Variants in DIRAS2 observed in about 807,000 individuals in gnomAD.
The protein encoded by DIRAS2 is GTP-binding protein Di-Ras2.
Under a neutral mutation model 13.9 loss-of-function variants are expected in DIRAS2, and 5 were observed. That is an observed-to-expected ratio of 0.36 (90% CI 0.19 to 0.76). DIRAS2 has a LOEUF of 0.76. DIRAS2 is among the 30% of genes least tolerant of loss of function. The pLI is 0.53. For synonymous variants in DIRAS2, 111 were observed against 105.4 expected (o/e 1.05, Z -0.33); for missense variants, 191 against 263.0 (o/e 0.73, Z 1.89).
At chr9:90,614,194 C>G (rs1489454443) in intron 1 of DIRAS2, among the ~76,000 whole-genome samples, 1 of 152,098 alleles carries the variant, frequency 6.6e-6, no homozygotes, top group South Asian at 2.1e-4. Flanking sequence ...AAATTAACTA[C>G]CCCCGTAAAA....
intron 1 of DIRAS2, among the ~76,000 whole-genome samples, chr9:90,622,473 T>C (rs1210289187): frequency 1.3e-5 from 2 of 152,056 alleles, no homozygotes; most frequent in South Asian, 2.1e-4. Context: ...TTTTTTTTTT[T>C]TCCTCTAACT....
rs751840059 is a variant in DIRAS2 at position 90,624,496 on chromosome 9, A to G, written c.-36-10633T>C. ...GTCTCAGCTGCTCATTTCAAGATGC[A>G]TACTACCTGCAAGAATGAAGTCAGT... On this transcript the variant is annotated intron_variant, in intron 1 of 1. Transcript: ENST00000375765. Among the ~76,000 whole-genome samples the G allele has an allele frequency of 1.1e-3, 171 of 152,350 alleles. 1 individual carries two copies. Among genetic ancestry groups the G allele is most frequent in the Non-Finnish European group, 1.9e-3 (130 of 68,034 alleles).
chr9:90,638,880 G>A (rs896938063), intron 1 of DIRAS2, among the ~76,000 whole-genome samples: 6 of 152,068 alleles, frequency 3.9e-5, no homozygotes, highest in Admixed American at 3.9e-4. Flanking sequence ...AGGCACAAAA[G>A]TGCTCCAATA....
At chr9:90,631,545 C>T (rs991892400) in intron 1 of DIRAS2, among the ~76,000 whole-genome samples, 2 of 152,100 alleles carry the variant, frequency 1.3e-5, no homozygotes, top group Non-Finnish European at 2.9e-5. Context: ...TTGATACGTG[C>T]CAAGGGTGGC....
intron 1 of DIRAS2, among the ~76,000 whole-genome samples, chr9:90,619,269 G>A (rs1187861428): frequency 2.0e-5 from 3 of 151,786 alleles, no homozygotes; most frequent in African/African-American, 4.8e-5. Context: ...GTGAAACCCC[G>A]TCTCTACTGA....
At chr9:90,628,392 T>C (rs999504508) in intron 1 of DIRAS2, among the ~76,000 whole-genome samples, 39 of 152,232 alleles carry the variant, frequency 2.6e-4, no homozygotes, top group African/African-American at 9.4e-4. Context: ...ATATCAGTAC[T>C]TTACTGCCAC....
At position 90,610,708 on chromosome 9, in the gene DIRAS2, A is replaced by G. The variant is rs555926794; in HGVS notation, c.*2520T>C. On this transcript the variant is annotated 3_prime_UTR_variant, in exon 2 of 2. Coordinates refer to ENST00000375765, the MANE Select transcript of DIRAS2 (RefSeq NM_017594.5). ...TCTCCTAAAAGACGATTTTGAGATA[A>G]CCATTGATATCCTCAGTTCAGCTCA... The G allele has an allele frequency of 4.3e-5, 14 of 324,178 alleles. No individual in the cohort carries two copies. The highest frequency in any genetic ancestry group is 1.5e-4 in the Admixed American group (3 of 20,500). The allele number at this position is 324,178 out of a possible 1,614,324, so 20.1% of individuals were successfully genotyped here.
intron 1 of DIRAS2, among the ~76,000 whole-genome samples, 182 bp from the exon 2 acceptor site, chr9:90,614,045 A>G (rs952180171): frequency 2.6e-5 from 4 of 152,196 alleles, no homozygotes; most frequent in African/African-American, 9.6e-5. Flanking sequence ...CGATCTACTC[A>G]GGGGCTCACT....
At chr9:90,638,389 T>C (rs910627418) in intron 1 of DIRAS2, among the ~76,000 whole-genome samples, 4 of 152,250 alleles carry the variant, frequency 2.6e-5, no homozygotes, top group African/African-American at 9.6e-5. Context: ...CCATTTCTAT[T>C]ATCCAGTAGT....
Position 90,613,651 on chromosome 9 carries a change from G to A in DIRAS2, c.177C>T (p.Ile59=). ...ACTGGTGGCTCCCCGTCGTGTCGGT[G>A]ATCTGCAATGTGCATATGCTCTTGT... ...SCDKSICTLQ[I]TDTTGSHQFP... is the part of the protein sequence containing the mutation. The change falls in exon 2 of 2, where the codon ATC becomes ATT. Residue 59 remains isoleucine (I), a synonymous_variant. Coordinates refer to ENST00000375765, the MANE Select transcript of DIRAS2 (RefSeq NM_017594.5). The surrounding 1 kb of genome is among the most constrained non-coding windows in gnomAD (Gnocchi z 5.6). 1.2e-6 allele frequency: 2 copies of A among 1,614,148 alleles called. No homozygotes were observed. The highest frequency in any genetic ancestry group is 1.7e-6 in the Non-Finnish European group (2 of 1,180,032).
At chr9:90,641,803 G>A (rs896627680) in intron 1 of DIRAS2, among the ~76,000 whole-genome samples, 4 of 152,176 alleles carry the variant, frequency 2.6e-5, no homozygotes, top group African/African-American at 7.2e-5. Context: ...TTAGTTTGAA[G>A]CAGAAAAGTT....
At chr9:90,616,662 G>C (rs1825172149) in intron 1 of DIRAS2, among the ~76,000 whole-genome samples, 1 of 151,234 alleles carries the variant, frequency 6.6e-6, no homozygotes, top group African/African-American at 2.4e-5. Flanking sequence ...ACTTGAACCT[G>C]GGAGGTGGAG....
intron 1 of DIRAS2, among the ~76,000 whole-genome samples, chr9:90,633,202 T>C (rs1564022575): frequency 6.6e-6 from 1 of 151,918 alleles, no homozygotes; most frequent in Non-Finnish European, 1.5e-5. Context: ...GACAATTTGG[T>C]CAAAAACAAA....
intron 1 of DIRAS2, among the ~76,000 whole-genome samples, chr9:90,641,214 T>A (rs1825416026): frequency 6.6e-6 from 1 of 152,194 alleles, no homozygotes; most frequent in Admixed American, 6.5e-5. Flanking sequence ...TGGCATTCAA[T>A]CTGTATGTTT....
intron 1 of DIRAS2, among the ~76,000 whole-genome samples, chr9:90,624,833 G>A (rs1312268722): frequency 6.6e-6 from 1 of 151,930 alleles, no homozygotes; most frequent in East Asian, 1.9e-4. Flanking sequence ...TCCTGCCTCA[G>A]CCTCCCGAGT....
Position 90,611,656 on chromosome 9 carries a change from T to G in DIRAS2, c.*1572A>C, listed in dbSNP as rs1158895997. On this transcript the variant is annotated 3_prime_UTR_variant, in exon 2 of 2. Transcript: ENST00000375765. ...GGTCAAACATCCCCAACTTAAGCCC[T>G]CCCTGTGCTGACACTGCCACCCAAC... The G allele has an allele frequency of 6.6e-6, 1 of 152,248 alleles. No homozygotes were observed. The highest frequency in any genetic ancestry group is 2.4e-5 in the African/African-American group (1 of 41,420). 9.4% of individuals were successfully genotyped at this position (152,248 alleles called of 1,614,324 possible).
intron 1 of DIRAS2, among the ~76,000 whole-genome samples, chr9:90,623,997 T>TAAGCTAAAAGGTTTACA (rs560721382): frequency 1.3e-5 from 2 of 152,168 alleles, no homozygotes; most frequent in East Asian, 1.9e-4. Context: ...ATCTACAGCC[T>TAAGCTAAAAGGTTTACA]AAGCTAAAAG....
At chr9:90,628,522 TACACACACACAC>T (rs71360439) in intron 1 of DIRAS2, among the ~76,000 whole-genome samples, 120 of 149,262 alleles carry the variant, frequency 8.0e-4, no homozygotes, top group African/African-American at 2.7e-3. Context: ...ACAAAATTTA[TACACACACACAC>T]ACACACACAC....
At chr9:90,623,256 A>C (rs1825236255) in intron 1 of DIRAS2, among the ~76,000 whole-genome samples, 1 of 152,070 alleles carries the variant, frequency 6.6e-6, no homozygotes, top group Non-Finnish European at 1.5e-5. Flanking sequence ...GAATCATCAC[A>C]TTGGCTGGGA....
Sources: allele counts gnomAD v4.1 joint callset (sites outside exome capture counted in the v4.1 genomes callset), GRCh38; gene constraint gnomAD v4.1.1; non-coding constraint Gnocchi (gnomAD v3.1); transcripts MANE v1.5; gene names NCBI Gene and HGNC (gene_info 2026-07-23, HGNC 2026-07-21).